Variants in STARD6 observed in about 807,000 individuals in gnomAD.
The protein encoded by STARD6 is StAR related lipid transfer domain containing 6, also known as stAR-related lipid transfer protein 6.
Under a neutral mutation model 22.3 loss-of-function variants are expected in STARD6, and 21 were observed. The ratio of observed to expected loss-of-function variants is 0.94; its 90% confidence interval spans 0.67 to 1.35. The LOEUF (loss-of-function observed/expected upper bound fraction) is 1.35. Among genes scored for constraint, STARD6 ranks in the 40% most tolerant of loss-of-function variants. STARD6 has a pLI of 0.00. For synonymous variants in STARD6, 80 were observed against 88.1 expected (o/e 0.91, Z 0.52); for missense variants, 269 against 266.9 (o/e 1.01, Z -0.05).
intron 4 of STARD6, among the ~76,000 whole-genome samples, chr18:54,348,849 T>G (rs909794308): frequency 1.3e-5 from 2 of 152,126 alleles, no homozygotes; most frequent in African/African-American, 4.8e-5. Context: ...CCTTTTTGAG[T>G]AGCAAATTAT....
intron 4 of STARD6, among the ~76,000 whole-genome samples, chr18:54,343,801 GC>G: frequency 1.3e-5 from 1 of 79,212 alleles, no homozygotes; most frequent in African/African-American, 5.3e-5. Context: ...CCGGCCAGCC[GC>G]CCCGTCCGGG....
chr18:54,345,343 G>C (rs1283924217), intron 4 of STARD6, among the ~76,000 whole-genome samples: 1 of 151,668 alleles, frequency 6.6e-6, no homozygotes, highest in East Asian at 1.9e-4. Flanking sequence ...TGGTGTTAGA[G>C]TAAAATAAAA....
At chr18:54,343,947 T>G (rs1196418754) in intron 4 of STARD6, among the ~76,000 whole-genome samples, 1 of 37,858 alleles carries the variant, frequency 2.6e-5, no homozygotes. Flanking sequence ...GCGAGGGAGG[T>G]GGGGGGGGTC....
At chr18:54,355,352 T>C (rs893231039) in intron 2 of STARD6, among the ~76,000 whole-genome samples, 2 of 152,170 alleles carry the variant, frequency 1.3e-5, no homozygotes, top group African/African-American at 4.8e-5. Context: ...TTTAAACACA[T>C]TGAACCCTGC....
At chr18:54,344,036 A>G (rs2089011925) in intron 4 of STARD6, among the ~76,000 whole-genome samples, 1 of 46,194 alleles carries the variant, frequency 2.2e-5, no homozygotes, top group Admixed American at 1.7e-4. Context: ...GGAAGTGAGG[A>G]GCCCCTCTGC....
At chr18:54,335,143 A>G (rs2088896460) in intron 5 of STARD6, among the ~76,000 whole-genome samples, 1 of 151,974 alleles carries the variant, frequency 6.6e-6, no homozygotes, top group South Asian at 2.1e-4. Flanking sequence ...AGAGAGGAGA[A>G]TCATCCCCCC....
At chr18:54,326,594 A>G (rs1452088942) in intron 7 of STARD6, among the ~76,000 whole-genome samples, 1 of 149,466 alleles carries the variant, frequency 6.7e-6, no homozygotes, top group Non-Finnish European at 1.5e-5. Flanking sequence ...AGCCTCCCAA[A>G]GTGCTGGGAT....
At chr18:54,355,246 C>T (rs1234561470) in intron 2 of STARD6, among the ~76,000 whole-genome samples, 5 of 152,106 alleles carry the variant, frequency 3.3e-5, no homozygotes, top group Non-Finnish European at 5.9e-5. Context: ...CTGCTTGTCA[C>T]TGTCTTCTGC....
intron 4 of STARD6, among the ~76,000 whole-genome samples, chr18:54,349,220 T>C (rs1022321847): frequency 5.9e-5 from 9 of 152,126 alleles, no homozygotes; most frequent in Non-Finnish European, 1.2e-4. Context: ...TGTGTGTATT[T>C]GGGAACTTTG....
At position 54,341,186 on chromosome 18, in the gene STARD6, AGTAGCTGGG is replaced by A. The variant is rs879436840; in HGVS notation, c.141-3944_141-3936del. 2.0e-3 allele frequency among the ~76,000 whole-genome samples: 298 copies of A among 152,188 alleles called. 1 individual carries two copies. The highest frequency in any genetic ancestry group is 3.9e-3 in the Admixed American group (59 of 15,284). ...GCCATTCTCCTGCCTCAGCCTGCCA[AGTAGCTGGG>A]ACTAGAGGCGCCCGCCACTGCGCCC... On this transcript the variant is annotated intron_variant, in intron 4 of 7. Coordinates refer to ENST00000307844, the MANE Select transcript of STARD6 (RefSeq NM_139171.2).
chr18:54,353,811 T>C (rs910090387), intron 4 of STARD6: 5 of 311,796 alleles, frequency 1.6e-5, no homozygotes, highest in African/African-American at 1.1e-4. Context: ...GAAAATTTCC[T>C]ATTTAGTGAA....
chr18:54,337,069 G>T (rs1305576305), intron 5 of STARD6, 56 bp downstream of exon 5: 13 of 1,473,112 alleles, frequency 8.8e-6, no homozygotes, highest in Non-Finnish European at 1.2e-5. Context: ...ACTCACTAAG[G>T]TATAAACTAA....
chr18:54,325,220 T>G (rs2144661008), intron 7 of STARD6, among the ~76,000 whole-genome samples: 1 of 152,264 alleles, frequency 6.6e-6, no homozygotes, highest in African/African-American at 2.4e-5. Flanking sequence ...ATTGTTATAT[T>G]TTCGCGTGAC....
chr18:54,345,132 G>GA (rs987589527), intron 4 of STARD6, among the ~76,000 whole-genome samples: 46 of 151,730 alleles, frequency 3.0e-4, no homozygotes, highest in Non-Finnish European at 5.3e-4. Context: ...TTTATATATA[G>GA]AAAAAAACAA....
intron 4 of STARD6, among the ~76,000 whole-genome samples, chr18:54,342,418 TC>T (rs959791233): frequency 2.8e-5 from 3 of 107,332 alleles, no homozygotes; most frequent in African/African-American, 1.1e-4. Flanking sequence ...AAGAAAATGC[TC>T]TCCGTCTCCC....
At position 54,354,039 on chromosome 18, in the gene STARD6, G is replaced by A. The variant is rs752058610; in HGVS notation, c.140+15C>T. On this transcript the variant is annotated intron_variant, in intron 4 of 7. Coordinates refer to ENST00000307844, the MANE Select transcript of STARD6 (RefSeq NM_139171.2). ...GAATTTAAAACAGTAATTGTAAATA[G>A]AAGATTGTACTCACAGATTTCCATG... 32 of 1,519,864 alleles carry A rather than the reference G, an allele frequency of 2.1e-5. No individual in the cohort carries two copies. Among genetic ancestry groups the A allele is most frequent in the Non-Finnish European group, 2.8e-5 (31 of 1,118,276 alleles). The allele number at this position is 1,519,864 out of a possible 1,614,324, so 94.1% of individuals were successfully genotyped here. A position where few individuals can be genotyped will look rare whatever the true frequency, so the allele number is the denominator to read the frequency against.
intron 4 of STARD6, among the ~76,000 whole-genome samples, chr18:54,347,801 T>G (rs1330434885): frequency 6.6e-6 from 1 of 152,094 alleles, no homozygotes; most frequent in Non-Finnish European, 1.5e-5. Context: ...ACAGCAACTT[T>G]ATTAATTACA....
At chr18:54,337,855 T>C (rs2088931652) in intron 4 of STARD6, among the ~76,000 whole-genome samples, 1 of 152,180 alleles carries the variant, frequency 6.6e-6, no homozygotes, top group South Asian at 2.1e-4. Context: ...TTATTTTTTG[T>C]TGGTGAACAA....
At chr18:54,356,060 T>C (rs1370366) in intron 2 of STARD6, among the ~76,000 whole-genome samples, 9,926 of 152,246 alleles carry the variant, frequency 0.065, 363 homozygotes, top group African/African-American at 0.085. Context: ...AGCCCTATAC[T>C]AGGTTATCAA....
Sources: allele counts gnomAD v4.1 joint callset (sites outside exome capture counted in the v4.1 genomes callset), GRCh38; gene constraint gnomAD v4.1.1; transcripts MANE v1.5; gene names NCBI Gene and HGNC (gene_info 2026-07-23, HGNC 2026-07-21).